The following P2RY11 variants were observed in gnomAD, a reference collection of about 807,000 sequenced individuals.
The protein encoded by P2RY11 is purinergic receptor P2Y11, also known as P2Y purinoceptor 11.
A neutral mutation model predicts 2.4 loss-of-function variants in P2RY11; 3 were observed. The observed-to-expected ratio is 1.22, with a 90% CI of 0.56 to 3.17. P2RY11 has a LOEUF of 3.17. Ranked by LOEUF, P2RY11 falls within the 30% of genes most tolerant of loss-of-function variation. P2RY11 has a pLI of 0.03. For synonymous variants in P2RY11, 307 were observed against 237.3 expected (o/e 1.29, Z -2.70); for missense variants, 670 against 528.2 (o/e 1.27, Z -2.63).
Position 10,114,808 on chromosome 19 carries a change from C to G in P2RY11, c.*70C>G. On this transcript the variant is annotated 3_prime_UTR_variant, in exon 2 of 2. Transcript: ENST00000321826. ...GAACCCTGAGGGCAGGGCCCGAGCC[C>G]CGACACATCCCTTCCCCCAAAAAGC... 1.3e-6 allele frequency: 2 copies of G among 1,528,914 alleles called. No homozygotes were observed. Among genetic ancestry groups the G allele is most frequent in the South Asian group, 2.5e-5 (2 of 78,510 alleles). The allele number at this position is 1,528,914 out of a possible 1,614,324, so 94.7% of individuals were successfully genotyped here.
chr19:10,113,674 G>C lies in P2RY11; in HGVS notation c.61G>C (p.Asp21His). 1 of 1,613,558 alleles carries C rather than the reference G, an allele frequency of 6.2e-7. No individual in the cohort carries two copies. Reference protein sequence around the residue: ...CPANFLAAADDKLSGFQGDFL... With the variant: ...CPANFLAAADHKLSGFQGDFL... The stretch of plus-strand genomic sequence containing the variant: ...TGCCAACTTCTTGGCAGCTGCCGAC[G>C]ACAAACTCAGTGGGTTCCAGGGGGA... Residue 21 changes from aspartate to histidine, a missense_variant, in exon 2 of 2, where the codon GAC (aspartate) becomes CAC (histidine). Transcript: ENST00000321826.
In P2RY11 at chr19:10,114,540, C is replaced by T; in HGVS notation, c.927C>T (p.Leu309=). The part of the protein sequence containing the change: ...PYVGYQVMRG[L]MPLAFCVHPL... The stretch of plus-strand genomic sequence containing the variant: ...TGGGCTACCAGGTGATGCGGGGCCT[C>T]ATGCCCCTGGCCTTCTGTGTCCACC... The change falls in exon 2 of 2, where the codon CTC becomes CTT. Residue 309 remains leucine, a synonymous_variant. Transcript: ENST00000321826. 1 of 1,611,896 alleles carries T rather than the reference C, an allele frequency of 6.2e-7. No individual in the cohort carries two copies. The highest frequency in any genetic ancestry group is 8.5e-7 in the Non-Finnish European group (1 of 1,178,658).
At chr19:10,113,285 A>C (rs1474609547) in intron 1 of P2RY11, among the ~76,000 whole-genome samples, 1 of 152,176 alleles carries the variant, frequency 6.6e-6, no homozygotes, top group East Asian at 1.9e-4. Context: ...TGGACGGCAC[A>C]GATCTGAAGT....
At position 10,114,973 on chromosome 19, in the gene P2RY11, C is replaced by G; in HGVS notation, c.*235C>G. 6.9e-7 allele frequency: 1 copy of G among 1,449,998 alleles called. No individual in the cohort carries two copies. The highest frequency in any genetic ancestry group is 1.4e-5 in the African/African-American group (1 of 71,900). The allele number at this position is 1,449,998 out of a possible 1,614,324, so 89.8% of individuals were successfully genotyped here. The stretch of plus-strand genomic sequence containing the variant: ...GCCCAGAGGAGGGGAGGCACTGGCC[C>G]CCGCCACAGGACTGGAGACGCAAGA... On this transcript the variant is annotated 3_prime_UTR_variant, in exon 2 of 2. Coordinates refer to ENST00000321826, the MANE Select transcript of P2RY11 (RefSeq NM_002566.5).
rs775479128 is a variant in P2RY11 at position 10,113,619 on chromosome 19, CCTT to C, written c.20-11_20-9del. 46 of 1,601,802 alleles carry C rather than the reference CCTT, an allele frequency of 2.9e-5. No individual in the cohort carries two copies. The highest frequency in any genetic ancestry group is 6.7e-5 in the African/African-American group (5 of 74,622). ...GGGGAATAGGGCTCAGCTGGTGACA[CCTT>C]CTGCCCACAGGTGCCAAGTCCTGCC... On this transcript the variant is annotated splice_polypyrimidine_tract_variant and intron_variant, in intron 1 of 1. Coordinates refer to ENST00000321826, the MANE Select transcript of P2RY11 (RefSeq NM_002566.5).
rs781124916 is a variant in P2RY11 at position 10,114,541 on chromosome 19, A to C, written c.928A>C (p.Met310Leu). Residue 310 changes from methionine (M) to leucine (L), a missense_variant, in exon 2 of 2, where the codon ATG becomes CTG. Physicochemically the swap from Met to Leu is conservative, Grantham distance 15 (BLOSUM62 2). Coordinates refer to ENST00000321826, the MANE Select transcript of P2RY11 (RefSeq NM_002566.5). ...GGGCTACCAGGTGATGCGGGGCCTC[A>C]TGCCCCTGGCCTTCTGTGTCCACCC... ...YVGYQVMRGL[M>L]PLAFCVHPLL... The C allele has an allele frequency of 2.5e-6, 4 of 1,611,754 alleles. No homozygotes were observed. Among genetic ancestry groups the C allele is most frequent in the Non-Finnish European group, 3.4e-6 (4 of 1,178,644 alleles).
rs2089176014 is a variant in P2RY11 at position 10,113,850 on chromosome 19, CCT to C, written c.238_239del (p.Leu80AspfsTer126). ...TGGCAGTCAGCGACCTGCTCTGCGC[CCT>C]GACGCTGCCCCCGCTGGCCGCCTAC... The part of the protein sequence containing the change: ...QLAVSDLLCA[L>X]TLPPLAAYLY... On this transcript the variant is annotated frameshift_variant, in exon 2 of 2. Transcript: ENST00000321826. LOFTEE classifies it low-confidence loss of function (END_TRUNC). 1 of 1,611,932 alleles carries C rather than the reference CCT, an allele frequency of 6.2e-7. No homozygotes were observed. The highest frequency in any genetic ancestry group is 1.3e-5 in the African/African-American group (1 of 74,886).
chr19:10,111,768 TG>T, intron 1 of P2RY11, 28 bp downstream of exon 1: 1 of 1,612,678 alleles, frequency 6.2e-7, no homozygotes, highest in Non-Finnish European at 8.5e-7. Context: ...TGGCTGTCTC[TG>T]GGGGTCTGCA....
rs1161686406 is a variant in P2RY11, at chr19:10,115,164, TG to T, written c.*431del. 1 of 1,611,646 alleles carries T rather than the reference TG, an allele frequency of 6.2e-7. No individual in the cohort carries two copies. The highest frequency in any genetic ancestry group is 1.3e-5 in the African/African-American group (1 of 74,734). ...GGGAGGGTGGCAGGTATAAGACTTC[TG>T]GGGGCACCCCAAGACCCCAGACACC... On this transcript the variant is annotated 3_prime_UTR_variant, in exon 2 of 2. Coordinates refer to ENST00000321826, the MANE Select transcript of P2RY11 (RefSeq NM_002566.5).
rs1443146617 is a variant in P2RY11, at chr19:10,114,407, A to G, written c.794A>G (p.His265Arg). ...ALYASSYVPY[H>R]IMRVLNVDAR... is the part of the protein sequence containing the mutation. ...TACGCCAGCTCCTATGTGCCCTACC[A>G]CATCATGCGGGTGCTCAACGTGGAT... The change falls in exon 2 of 2, where the codon CAC becomes CGC. Residue 265 changes from histidine to arginine, a missense_variant. Coordinates refer to ENST00000321826, the MANE Select transcript of P2RY11 (RefSeq NM_002566.5). The G allele has an allele frequency of 1.2e-6, 2 of 1,610,584 alleles. No homozygotes were observed. The highest frequency in any genetic ancestry group is 1.7e-6 in the Non-Finnish European group (2 of 1,179,898).
At position 10,111,698 on chromosome 19, in the gene P2RY11, C is replaced by G. The variant is rs749578405; in HGVS notation, c.-24C>G. On this transcript the variant is annotated 5_prime_UTR_variant, in exon 1 of 2. Coordinates refer to ENST00000321826, the MANE Select transcript of P2RY11 (RefSeq NM_002566.5). The stretch of plus-strand genomic sequence containing the variant: ...GGGCTGGGGAACTGGGTAGCAGACA[C>G]AGGCTGAGGATCGGCACGGGAGCAT... 1.2e-6 allele frequency: 2 copies of G among 1,613,652 alleles called. No homozygotes were observed. Among genetic ancestry groups the G allele is most frequent in the South Asian group, 2.2e-5 (2 of 91,050 alleles).
Position 10,115,336 on chromosome 19 carries a change from T to A in P2RY11, c.*598T>A. The A allele has an allele frequency of 8.5e-7, 1 of 1,172,622 alleles. No individual in the cohort carries two copies. Among genetic ancestry groups the A allele is most frequent in the Non-Finnish European group, 1.2e-6 (1 of 843,384 alleles). 72.6% of individuals were successfully genotyped at this position (1,172,622 alleles called of 1,614,324 possible). A position where few individuals can be genotyped will look rare whatever the true frequency, so the allele number is the denominator to read the frequency against. On this transcript the variant is annotated 3_prime_UTR_variant, in exon 2 of 2. Coordinates refer to ENST00000321826, the MANE Select transcript of P2RY11 (RefSeq NM_002566.5). ...GAGCTGCCACCCCTCTGCCCGGTTTTGGAAAAAAACAATAAAGGACTGTCC... is the reference window on the plus strand; with the variant it reads ...GAGCTGCCACCCCTCTGCCCGGTTTAGGAAAAAAACAATAAAGGACTGTCC...
At position 10,114,440 on chromosome 19, in the gene P2RY11, G is replaced by T. The variant is rs375857989; in HGVS notation, c.827G>T (p.Arg276Leu). The T allele has an allele frequency of 6.2e-7, 1 of 1,611,546 alleles. No homozygotes were observed. The highest frequency in any genetic ancestry group is 8.5e-7 in the Non-Finnish European group (1 of 1,179,876). Residue 276 changes from arginine (R) to leucine (L), a missense_variant, in exon 2 of 2, where the codon CGG (arginine) becomes CTG (leucine). Arg to Leu is a moderately radical substitution (Grantham distance 102). Transcript: ENST00000321826. ...IMRVLNVDAR[R>L]RWSTRCPSFA... ...CGGGTGCTCAACGTGGATGCTCGGC[G>T]GCGCTGGAGCACCCGCTGCCCGAGC...
Position 10,114,953 on chromosome 19 carries a change from G to C in P2RY11, c.*215G>C. ...AGGGTCAGGGACCAGACCACGCCCA[G>C]AGGAGGGGAGGCACTGGCCCCCGCC... On this transcript the variant is annotated 3_prime_UTR_variant, in exon 2 of 2. Transcript: ENST00000321826. The C allele has an allele frequency of 7.1e-7, 1 of 1,404,010 alleles. No individual in the cohort carries two copies. The highest frequency in any genetic ancestry group is 9.8e-7 in the Non-Finnish European group (1 of 1,020,378). The allele number at this position is 1,404,010 out of a possible 1,614,324, so 87.0% of individuals were successfully genotyped here.
intron 1 of P2RY11, 92 bp downstream of exon 1, chr19:10,111,832 C>A: frequency 6.8e-7 from 1 of 1,474,174 alleles, no homozygotes; most frequent in Non-Finnish European, 9.4e-7. Flanking sequence ...AGGTCTGGGG[C>A]TGGGCACGGT....
rs1443158590 is a variant in P2RY11, at chr19:10,114,335, C to A, written c.722C>A (p.Ala241Asp). Residue 241 changes from alanine (A) to aspartate (D), a missense_variant, in exon 2 of 2, where the codon GCC (alanine) becomes GAC (aspartate). Ala to Asp is a moderately radical substitution (Grantham distance 126). Transcript: ENST00000321826. ...CTACGCAGCCCAGGCATGACTGTGGCCGAGAAGCTGCGTGTGGCAGCGTTG... is the reference window on the plus strand; with the variant it reads ...CTACGCAGCCCAGGCATGACTGTGGACGAGAAGCTGCGTGTGGCAGCGTTG... ...AVLRSPGMTV[A>D]EKLRVAALVA... 1.2e-6 allele frequency: 2 copies of A among 1,600,664 alleles called. No individual in the cohort carries two copies. The highest frequency in any genetic ancestry group is 1.7e-4 in the Middle Eastern group (1 of 6,056).
At position 10,115,085 on chromosome 19, in the gene P2RY11, C is replaced by A. The variant is rs755145968; in HGVS notation, c.*347C>A. On this transcript the variant is annotated 3_prime_UTR_variant, in exon 2 of 2. Coordinates refer to ENST00000321826, the MANE Select transcript of P2RY11 (RefSeq NM_002566.5). Reference sequence around the variant, plus strand: ...GAGGCTGTCTTCTGTCGCCAAGGGTCCCGGACCGAGTACACAGTGGCAGCT... The same window carrying A: ...GAGGCTGTCTTCTGTCGCCAAGGGTACCGGACCGAGTACACAGTGGCAGCT... 27 of 1,613,674 alleles carry A rather than the reference C, an allele frequency of 1.7e-5. No homozygotes were observed. Among genetic ancestry groups the A allele is most frequent in the Admixed American group, 3.3e-5 (2 of 59,988 alleles).
rs779851525 is a variant in P2RY11 at position 10,115,154 on chromosome 19, A to G, written c.*416A>G. On this transcript the variant is annotated 3_prime_UTR_variant, in exon 2 of 2. Transcript: ENST00000321826. ...CCTGGGGTAGGGGAGGGTGGCAGGTATAAGACTTCTGGGGGCACCCCAAGA... is the reference window on the plus strand; with the variant it reads ...CCTGGGGTAGGGGAGGGTGGCAGGTGTAAGACTTCTGGGGGCACCCCAAGA... The G allele has an allele frequency of 3.2e-5, 52 of 1,613,168 alleles. No individual in the cohort carries two copies. The highest frequency in any genetic ancestry group is 5.3e-5 in the African/African-American group (4 of 74,896).
At position 10,114,043 on chromosome 19, in the gene P2RY11, A is replaced by G; in HGVS notation, c.430A>G (p.Lys144Glu). ...PFFARSHLRP[K>E]HAWAVSAAGW... ...CTTCGCCCGAAGCCACCTGCGACCC[A>G]AGCACGCCTGGGCCGTGAGCGCTGC... Residue 144 changes from lysine to glutamate, a missense_variant, in exon 2 of 2, where the codon AAG becomes GAG. Coordinates refer to ENST00000321826, the MANE Select transcript of P2RY11 (RefSeq NM_002566.5). The G allele has an allele frequency of 6.2e-6, 10 of 1,600,900 alleles. No individual in the cohort carries two copies. The highest frequency in any genetic ancestry group is 1.7e-5 in the Admixed American group (1 of 59,986).
Sources: allele counts gnomAD v4.1 joint callset (sites outside exome capture counted in the v4.1 genomes callset), GRCh38; gene constraint gnomAD v4.1.1; transcripts MANE v1.5; gene names NCBI Gene and HGNC (gene_info 2026-07-23, HGNC 2026-07-21).